Variants in PARVB observed in about 807,000 individuals in gnomAD.
PARVB encodes beta-parvin.
Under a neutral mutation model 47.0 loss-of-function variants are expected in PARVB, and 46 were observed. The ratio of observed to expected loss-of-function variants is 0.98; its 90% confidence interval spans 0.77 to 1.25. PARVB has a LOEUF of 1.25. Among genes scored for constraint, PARVB ranks in the 50% most tolerant of loss-of-function variants. The pLI is 0.00. For synonymous variants in PARVB, 196 were observed against 196.3 expected (o/e 1.00, Z 0.01); for missense variants, 473 against 471.6 (o/e 1.00, Z -0.03).
chr22:44,012,362 G>A (rs1028502660), intron 2 of PARVB, among the ~76,000 whole-genome samples: 1 of 152,150 alleles, frequency 6.6e-6, no homozygotes, highest in Non-Finnish European at 1.5e-5. Flanking sequence ...CAGTGTAGTT[G>A]GTGATTCATG....
intron 1 of PARVB, among the ~76,000 whole-genome samples, chr22:44,087,285 A>G (rs1233886405): frequency 1.3e-5 from 2 of 152,192 alleles, no homozygotes; most frequent in African/African-American, 4.8e-5. Flanking sequence ...TGGTGTAGAA[A>G]GTCCCCGTAG....
intron 1 of PARVB, among the ~76,000 whole-genome samples, chr22:44,077,276 G>C (rs1008014658): frequency 4.6e-5 from 7 of 152,084 alleles, no homozygotes; most frequent in Admixed American, 3.3e-4. Flanking sequence ...TCCCTGCCGT[G>C]GGCCACATCA....
chr22:44,133,909 A>C (rs1393575578), intron 6 of PARVB, among the ~76,000 whole-genome samples: 1 of 152,230 alleles, frequency 6.6e-6, no homozygotes, highest in Non-Finnish European at 1.5e-5. Flanking sequence ...GTAAATGTGC[A>C]ATGAGCGCCT....
At chr22:44,011,453 A>C (rs1261201171) in intron 2 of PARVB, among the ~76,000 whole-genome samples, 1 of 151,898 alleles carries the variant, frequency 6.6e-6, no homozygotes, top group Non-Finnish European at 1.5e-5. Flanking sequence ...TCTCTACTTT[A>C]TACAAAAGTT....
At chr22:44,075,096 A>G (rs2051739350) in intron 1 of PARVB, among the ~76,000 whole-genome samples, 1 of 152,110 alleles carries the variant, frequency 6.6e-6, no homozygotes, top group East Asian at 1.9e-4. Context: ...GTACCCTCCC[A>G]GTGTGGGGGT....
At chr22:44,052,507 T>G (rs2051228130) in intron 1 of PARVB, among the ~76,000 whole-genome samples, 3 of 152,242 alleles carry the variant, frequency 2.0e-5, no homozygotes, top group Admixed American at 2.0e-4. Flanking sequence ...TGCGATCTCT[T>G]TCTGTAAAGA....
At chr22:44,102,545 A>G (rs1044127506) in intron 3 of PARVB, among the ~76,000 whole-genome samples, 7 of 152,080 alleles carry the variant, frequency 4.6e-5, no homozygotes, top group African/African-American at 1.7e-4. Context: ...AGACTCAGAG[A>G]GAGGTGAAGG....
intron 2 of PARVB, among the ~76,000 whole-genome samples, chr22:44,000,514 C>T (rs1293347331): frequency 6.6e-6 from 1 of 152,198 alleles, no homozygotes; most frequent in African/African-American, 2.4e-5. Flanking sequence ...TGGTGGCTCA[C>T]GCCTGTAAAA....
At chr22:44,057,601 G>A (rs150558053) in intron 1 of PARVB, among the ~76,000 whole-genome samples, 2 of 152,250 alleles carry the variant, frequency 1.3e-5, no homozygotes, top group Non-Finnish European at 2.9e-5. Flanking sequence ...GGTCAGCTCA[G>A]GAGACCAGTG....
At chr22:44,069,574 G>T (rs2051608160) in intron 1 of PARVB, among the ~76,000 whole-genome samples, 1 of 151,946 alleles carries the variant, frequency 6.6e-6, no homozygotes, top group Admixed American at 6.6e-5. Context: ...TGTCACCCAG[G>T]CTGGAGTGCA....
chr22:44,039,905 C>T (rs973465030), intron 1 of PARVB: 8 of 453,742 alleles, frequency 1.8e-5, no homozygotes, highest in African/African-American at 1.6e-4. Flanking sequence ...GCCTCGAACT[C>T]CTGGCCTCCA....
intron 1 of PARVB, among the ~76,000 whole-genome samples, chr22:44,055,926 G>A (rs1037268038): frequency 2.0e-5 from 3 of 152,124 alleles, no homozygotes; most frequent in East Asian, 1.9e-4. Context: ...CCAGTCTACC[G>A]ATTCGAATGC....
Position 44,168,673 on chromosome 22 carries a change from G to T in PARVB, c.1090G>T (p.Glu364Ter). 6.2e-7 allele frequency: 1 copy of T among 1,606,982 alleles called. No individual in the cohort carries two copies. The highest frequency in any genetic ancestry group is 1.1e-5 in the South Asian group (1 of 90,946). Residue 364 changes from glutamate to a stop codon, truncating the protein, a stop_gained, in exon 13 of 13, where the codon GAG (glutamate) becomes TAG (stop). Coordinates refer to ENST00000338758, the MANE Select transcript of PARVB (RefSeq NM_013327.5). LOFTEE classifies it high-confidence loss of function. Reference protein sequence around the residue: ...YNLFTKYKNVE With the variant: ...YNLFTKYKNV Reference sequence around the variant, plus strand: ...CCTGTTCACCAAGTACAAGAACGTGGAGTGACGGGGGAGCTGTGGATGGTG... The same window carrying T: ...CCTGTTCACCAAGTACAAGAACGTGTAGTGACGGGGGAGCTGTGGATGGTG...
In PARVB at chr22:44,168,799, A is replaced by G. The variant is rs1455378922; in HGVS notation, c.*121A>G. 1.5e-6 allele frequency: 1 copy of G among 671,320 alleles called. No individual in the cohort carries two copies. Among genetic ancestry groups the G allele is most frequent in the African/African-American group, 1.8e-5 (1 of 55,800 alleles). The allele number at this position is 671,320 out of a possible 1,614,324, so 41.6% of individuals were successfully genotyped here. On this transcript the variant is annotated 3_prime_UTR_variant, in exon 13 of 13. Coordinates refer to ENST00000338758, the MANE Select transcript of PARVB (RefSeq NM_013327.5). ...TCTGGTCCAAGCTGTGTTGACTGTC[A>G]TCCCCACCCCACCCCTACCTCACGC...
Position 44,168,781 on chromosome 22 carries a change from C to G in PARVB, c.*103C>G. On this transcript the variant is annotated 3_prime_UTR_variant, in exon 13 of 13. Transcript: ENST00000338758. ...AGCCAGGCGCCATGGGCTTCTGGTC[C>G]AAGCTGTGTTGACTGTCATCCCCAC... The G allele has an allele frequency of 1.3e-6, 1 of 774,038 alleles. No individual in the cohort carries two copies. Among genetic ancestry groups the G allele is most frequent in the South Asian group, 1.5e-5 (1 of 66,338 alleles). 47.9% of individuals were successfully genotyped at this position (774,038 alleles called of 1,614,324 possible).
At chr22:44,001,700 G>T (rs1390146896) in intron 2 of PARVB, among the ~76,000 whole-genome samples, 1 of 152,166 alleles carries the variant, frequency 6.6e-6, no homozygotes, top group African/African-American at 2.4e-5. Flanking sequence ...CTTGAAGCCC[G>T]CATTTTACCA....
chr22:44,124,952 G>C (rs541736983), intron 4 of PARVB, among the ~76,000 whole-genome samples: 144 of 152,228 alleles, frequency 9.5e-4, no homozygotes, highest in Non-Finnish European at 1.6e-3. Context: ...GAAAACACAG[G>C]GGTGCAGCAT....
At chr22:44,015,980 T>A (rs1385344726) in intron 2 of PARVB, among the ~76,000 whole-genome samples, 5 of 152,086 alleles carry the variant, frequency 3.3e-5, no homozygotes, top group Non-Finnish European at 7.4e-5. Context: ...GACACCACCT[T>A]CTCAAACTAA....
rs563399724 is a variant in PARVB at position 44,125,262 on chromosome 22, G to A, written c.376+6122G>A. Among the ~76,000 whole-genome samples, 17 of 151,858 alleles carry A rather than the reference G, an allele frequency of 1.1e-4. No individual in the cohort carries two copies. Among genetic ancestry groups the A allele is most frequent in the African/African-American group, 3.4e-4 (14 of 41,470 alleles). The stretch of plus-strand genomic sequence containing the variant: ...GAATGTTCATTGGCTTACATGTGTC[G>A]GGTGGCTCTTGGCTGTAGAGACACA... On this transcript the variant is annotated intron_variant, in intron 4 of 12. Transcript: ENST00000338758. This position sits in a 1 kb window ranked among gnomAD's most constrained non-coding sequence, Gnocchi z 4.1.
Sources: allele counts gnomAD v4.1 joint callset (sites outside exome capture counted in the v4.1 genomes callset), GRCh38; gene constraint gnomAD v4.1.1; non-coding constraint Gnocchi (gnomAD v3.1); transcripts MANE v1.5; gene names NCBI Gene and HGNC (gene_info 2026-07-23, HGNC 2026-07-21).